Variants in SKAP1 observed in about 807,000 individuals in gnomAD.
The protein encoded by SKAP1 is src kinase associated phosphoprotein 1, also known as src kinase-associated phosphoprotein 1.
Under a neutral mutation model 58.5 loss-of-function variants are expected in SKAP1, and 44 were observed. The ratio of observed to expected loss-of-function variants is 0.75; its 90% CI spans 0.59 to 0.97. SKAP1 has a LOEUF of 0.97. Ranked by LOEUF, SKAP1 falls within the 50% of genes least tolerant of loss-of-function variation. The pLI, the probability that SKAP1 is intolerant of heterozygous loss-of-function variation, is 0.00. For missense variants in SKAP1, 390 were observed against 435.2 expected, an observed-to-expected ratio of 0.90 and a Z score of 0.92; for synonymous variants, 127 against 149.7, an observed-to-expected ratio of 0.85 and a Z score of 1.11.
At chr17:48,372,776 G>T (rs1008650747) in intron 2 of SKAP1, among the ~76,000 whole-genome samples, 9 of 152,132 alleles carry the variant, frequency 5.9e-5, no homozygotes, top group African/African-American at 2.2e-4. Context: ...AAGTAGCTGG[G>T]ACTATAGGTG....
chr17:48,318,934 G>A (rs2066324510), intron 4 of SKAP1, among the ~76,000 whole-genome samples: 1 of 152,248 alleles, frequency 6.6e-6, no homozygotes, highest in East Asian at 1.9e-4. Context: ...TCAAAGGCTC[G>A]AGAATTCCCA....
chr17:48,151,101 AAAG>A (rs1426179737), intron 11 of SKAP1, among the ~76,000 whole-genome samples: 1 of 152,136 alleles, frequency 6.6e-6, no homozygotes, highest in Non-Finnish European at 1.5e-5. Context: ...AAAAAAAAAA[AAAG>A]AGCCTTTCTA....
chr17:48,421,933 C>T (rs1472786443), intron 1 of SKAP1, among the ~76,000 whole-genome samples: 1 of 152,088 alleles, frequency 6.6e-6, no homozygotes, highest in Non-Finnish European at 1.5e-5. Flanking sequence ...AAAAGTCGGG[C>T]TGGGAGCGGT....
intron 2 of SKAP1, among the ~76,000 whole-genome samples, chr17:48,373,514 A>AT (rs2067113659): frequency 6.6e-6 from 1 of 151,458 alleles, no homozygotes; most frequent in South Asian, 2.1e-4. Flanking sequence ...TGTAATATAT[A>AT]AAAAAAAATA....
chr17:48,371,654 C>CAAG (rs2067087166), intron 2 of SKAP1, among the ~76,000 whole-genome samples: 1 of 37,892 alleles, frequency 2.6e-5, no homozygotes, highest in Non-Finnish European at 4.1e-5. Flanking sequence ...CTTGTCTCCA[C>CAAG]AAAAAAAAAA....
intron 3 of SKAP1, among the ~76,000 whole-genome samples, chr17:48,360,876 G>A (rs2066926993): frequency 6.6e-6 from 1 of 151,780 alleles, no homozygotes; most frequent in Non-Finnish European, 1.5e-5. Context: ...ACTATGTCAA[G>A]GTACTAAGCT....
intron 1 of SKAP1, among the ~76,000 whole-genome samples, chr17:48,404,054 A>G (rs1186452074): frequency 6.7e-6 from 1 of 149,472 alleles, no homozygotes; most frequent in East Asian, 2.0e-4. Context: ...GCGCCACTGC[A>G]CTCCAGCCTG....
At chr17:48,397,091 TA>T in intron 1 of SKAP1, 1 of 426,220 alleles carries the variant, frequency 2.3e-6, no homozygotes, top group Non-Finnish European at 3.1e-6. Context: ...CATGTTCTAA[TA>T]ATCCAAGACC....
chr17:48,359,354 A>G (rs1173543036), intron 3 of SKAP1, among the ~76,000 whole-genome samples: 4 of 152,200 alleles, frequency 2.6e-5, no homozygotes, highest in African/African-American at 9.7e-5. Flanking sequence ...TTTTAAAAAA[A>G]TTAACCATAA....
At chr17:48,418,595 T>G (rs1192109809) in intron 1 of SKAP1, among the ~76,000 whole-genome samples, 1 of 152,196 alleles carries the variant, frequency 6.6e-6, no homozygotes, top group Non-Finnish European at 1.5e-5. Context: ...CACTCCTAGA[T>G]ATATTTATCC....
chr17:48,238,612 A>G lies in SKAP1; in HGVS notation c.281-49112T>C, dbSNP rs1188103227. 1.3e-5 allele frequency among the ~76,000 whole-genome samples: 2 copies of G among 152,076 alleles called. 1 individual carries two copies. Among genetic ancestry groups the G allele is most frequent in the African/African-American group, 4.8e-5 (2 of 41,404 alleles). On this transcript the variant is annotated intron_variant, in intron 4 of 12. Transcript: ENST00000336915. ...GGTCTCGAACTCCTGGGCTCAAGCA[A>G]TCCTCCCACCTCAGCCTCCCAAAGT... is the stretch of plus-strand genomic sequence containing the variant.
chr17:48,392,812 A>G (rs905756146), intron 2 of SKAP1, among the ~76,000 whole-genome samples: 3 of 151,888 alleles, frequency 2.0e-5, no homozygotes, highest in African/African-American at 7.3e-5. Context: ...ATGAACCAAG[A>G]TCGCACCACT....
At chr17:48,145,416 A>T (rs2063818851) in intron 11 of SKAP1, among the ~76,000 whole-genome samples, 1 of 27,320 alleles carries the variant, frequency 3.7e-5, no homozygotes, top group African/African-American at 3.0e-4. Context: ...CTCCATCAAC[A>T]AGGAAAAAAA....
intron 1 of SKAP1, among the ~76,000 whole-genome samples, chr17:48,415,528 T>A (rs2067722069): frequency 1.3e-5 from 2 of 151,990 alleles, no homozygotes; most frequent in Admixed American, 6.6e-5. Flanking sequence ...CTAACCCCTC[T>A]CCTCTTTTCA....
At chr17:48,407,745 T>A (rs1331407351) in intron 1 of SKAP1, among the ~76,000 whole-genome samples, 1 of 152,080 alleles carries the variant, frequency 6.6e-6, no homozygotes, top group Non-Finnish European at 1.5e-5. Flanking sequence ...TCCCAGCTAC[T>A]TTGAAGGCTG....
the SKAP1 span, among the ~76,000 whole-genome samples, chr17:48,439,434 G>T: frequency 2.0e-5 from 3 of 152,030 alleles, no homozygotes; most frequent in African/African-American, 7.3e-5. Context: ...TAAGGTGCCC[G>T]TGTTATCTAC....
chr17:48,422,104 G>A (rs1334564631), intron 1 of SKAP1, among the ~76,000 whole-genome samples: 2 of 152,066 alleles, frequency 1.3e-5, no homozygotes, highest in Non-Finnish European at 2.9e-5. Context: ...CCAGCTACTC[G>A]GGAGGGTGAG....
At chr17:48,440,426 G>A in the SKAP1 span, among the ~76,000 whole-genome samples, 1 of 152,162 alleles carries the variant, frequency 6.6e-6, no homozygotes, top group Non-Finnish European at 1.5e-5. Context: ...TCAATATCTG[G>A]CATCCTTGCG....
intron 4 of SKAP1, chr17:48,295,719 T>A (rs1379742457): frequency 6.6e-6 from 1 of 151,688 alleles, no homozygotes; most frequent in East Asian, 1.9e-4. Flanking sequence ...TCCATAAGGA[T>A]CTAGCTTCTT....
Sources: gnomAD v4.1 joint callset for allele counts (sites outside exome capture counted in the v4.1 genomes callset) on GRCh38, gnomAD v4.1.1 for gene constraint, MANE v1.5 for transcripts, NCBI Gene and HGNC (gene_info 2026-07-23, HGNC 2026-07-21) for gene names.